SGCZ: variants seen among roughly 807,000 people sequenced by gnomAD.
SGCZ encodes the protein sarcoglycan zeta.
In SGCZ, 40 loss-of-function variants were observed where a neutral mutation model predicts 41.3. The observed-to-expected ratio is 0.97, with a 90% CI of 0.75 to 1.26. The LOEUF is 1.26. Ranked by LOEUF, SGCZ falls within the 50% of genes most tolerant of loss-of-function variation. The probability of loss-of-function intolerance (pLI) is 0.00; values close to 1 mark genes in which losing one functional copy is unlikely to be tolerated. For synonymous variants in SGCZ, 206 were observed against 137.5 expected, an observed-to-expected ratio of 1.50 and a Z score of -3.49; for missense variants, 552 against 369.8, an observed-to-expected ratio of 1.49 and a Z score of -4.04.
At chr8:14,811,579 G>A (rs1304805073) in intron 1 of SGCZ, among the ~76,000 whole-genome samples, 2 of 102,806 alleles carry the variant, frequency 1.9e-5, no homozygotes, top group Admixed American at 1.5e-4. Flanking sequence ...TAGTTGTTAT[G>A]GGAGAGGGCC....
chr8:14,600,375 C>G (rs1267236960), intron 1 of SGCZ, among the ~76,000 whole-genome samples: 1 of 152,152 alleles, frequency 6.6e-6, no homozygotes, highest in African/African-American at 2.4e-5. Flanking sequence ...TGGGATCTAT[C>G]ATCTCTACTT....
intron 4 of SGCZ, among the ~76,000 whole-genome samples, chr8:14,190,014 C>CTTTCTTTT (rs757923069): frequency 6.0e-5 from 6 of 100,196 alleles, no homozygotes; most frequent in African/African-American, 2.1e-4. Flanking sequence ...TTCTTTCTTT[C>CTTTCTTTT]TTTTTTTTTT....
intron 1 of SGCZ, among the ~76,000 whole-genome samples, chr8:15,066,126 G>A (rs1320002178): frequency 6.6e-6 from 1 of 151,624 alleles, no homozygotes; most frequent in African/African-American, 2.4e-5. Flanking sequence ...GGCTAACAAG[G>A]TGAAACCCCG....
chr8:14,669,514 ACT>A lies in SGCZ; in HGVS notation c.40-114590_40-114589del, dbSNP rs1297727845. Among the ~76,000 whole-genome samples, 7 of 151,896 alleles carry A rather than the reference ACT, an allele frequency of 4.6e-5. No homozygotes were observed. The South Asian group carries it at 8.3e-4, about 18-fold the overall frequency. ...TCCATCCATAGGTAACCACCCTTCTACTCTCTATTTCTATGAGTATAACAACA... is the reference window on the plus strand; with the variant it reads ...TCCATCCATAGGTAACCACCCTTCTACTCTATTTCTATGAGTATAACAACA... On this transcript the variant is annotated intron_variant, in intron 1 of 7. Transcript: ENST00000382080.
At chr8:15,086,503 T>C (rs1805955009) in intron 1 of SGCZ, among the ~76,000 whole-genome samples, 1 of 152,186 alleles carries the variant, frequency 6.6e-6, no homozygotes, top group Non-Finnish European at 1.5e-5. Flanking sequence ...TTAATCATAT[T>C]AATCCTTGTT....
intron 2 of SGCZ, among the ~76,000 whole-genome samples, chr8:14,430,367 C>T (rs1019406879): frequency 3.3e-5 from 5 of 152,056 alleles, no homozygotes; most frequent in African/African-American, 1.2e-4. Context: ...GGGTTTCATA[C>T]CAGGGATGCA....
At chr8:14,724,220 G>A (rs1354785496) in intron 1 of SGCZ, among the ~76,000 whole-genome samples, 2 of 152,072 alleles carry the variant, frequency 1.3e-5, no homozygotes, top group East Asian at 1.9e-4. Flanking sequence ...ACTATTTAGA[G>A]GCAAGGGACT....
At chr8:14,164,961 C>T (rs565859431) in intron 4 of SGCZ, 68 of 374,100 alleles carry the variant, frequency 1.8e-4, no homozygotes, top group African/African-American at 1.2e-3. Flanking sequence ...CAGTTAAGAG[C>T]CCTTCACATA....
intron 1 of SGCZ, among the ~76,000 whole-genome samples, chr8:15,082,614 G>A (rs959888532): frequency 2.6e-5 from 4 of 152,014 alleles, no homozygotes; most frequent in Admixed American, 1.3e-4. Flanking sequence ...ATATAAAAAC[G>A]TCCAGTGCAG....
chr8:15,034,669 T>A (rs78972988), intron 1 of SGCZ, among the ~76,000 whole-genome samples: 5 of 152,094 alleles, frequency 3.3e-5, no homozygotes, highest in African/African-American at 7.2e-5. Flanking sequence ...TATAACCAAA[T>A]GGTTGAAAGT....
rs59446969 is a variant in SGCZ at position 14,233,188 on chromosome 8, T to C, written c.424+4404A>G. Among the ~76,000 whole-genome samples the C allele has an allele frequency of 9.9e-3, 1,503 of 152,124 alleles. 24 individuals are homozygous for C. Among genetic ancestry groups the C allele is most frequent in the African/African-American group, 0.034 (1,394 of 41,544 alleles). On this transcript the variant is annotated intron_variant, in intron 4 of 7. Transcript: ENST00000382080. Reference sequence around the variant, plus strand: ...TCCTTTCATTTTTATCCTTCAGCTATAGACTGACAGCATAAGGCACATGAG... The same window carrying C: ...TCCTTTCATTTTTATCCTTCAGCTACAGACTGACAGCATAAGGCACATGAG...
At chr8:15,180,649 G>T (rs559189744) in intron 1 of SGCZ, among the ~76,000 whole-genome samples, 63 of 152,042 alleles carry the variant, frequency 4.1e-4, no homozygotes, top group African/African-American at 1.5e-3. Context: ...ACTTTGGGAG[G>T]CCAAGGCAGG....
At chr8:15,162,579 T>G (rs1208687659) in intron 1 of SGCZ, among the ~76,000 whole-genome samples, 1 of 152,220 alleles carries the variant, frequency 6.6e-6, no homozygotes, top group East Asian at 1.9e-4. Context: ...GCTTTTCACT[T>G]ATCTTATGGC....
intron 2 of SGCZ, among the ~76,000 whole-genome samples, chr8:14,458,907 G>C (rs112808476): frequency 6.6e-6 from 1 of 152,088 alleles, no homozygotes; most frequent in African/African-American, 2.4e-5. Context: ...GAGACCTAGG[G>C]TTAGGAAAAT....
chr8:15,035,130 A>G (rs1214144804), intron 1 of SGCZ, among the ~76,000 whole-genome samples: 2 of 152,126 alleles, frequency 1.3e-5, no homozygotes, highest in Non-Finnish European at 2.9e-5. Flanking sequence ...ACTATTAATG[A>G]TAATAATAGC....
intron 3 of SGCZ, among the ~76,000 whole-genome samples, chr8:14,247,692 C>T (rs376137389): frequency 6.6e-6 from 1 of 152,126 alleles, no homozygotes; most frequent in East Asian, 1.9e-4. Flanking sequence ...TGTTGGGTTG[C>T]CACTTTTCCA....
chr8:14,655,040 A>T (rs1807519651), intron 1 of SGCZ, among the ~76,000 whole-genome samples: 1 of 151,910 alleles, frequency 6.6e-6, no homozygotes, highest in Non-Finnish European at 1.5e-5. Flanking sequence ...AATACCTTAC[A>T]TTTTTTTCCC....
At chr8:14,871,278 C>T (rs1476239398) in intron 1 of SGCZ, among the ~76,000 whole-genome samples, 4 of 152,094 alleles carry the variant, frequency 2.6e-5, no homozygotes, top group African/African-American at 9.7e-5. Flanking sequence ...CCCTTTTACA[C>T]TGTTGGTGGG....
chr8:14,875,314 G>A (rs190740147), intron 1 of SGCZ, among the ~76,000 whole-genome samples: 2 of 152,176 alleles, frequency 1.3e-5, no homozygotes, highest in South Asian at 4.1e-4. Flanking sequence ...CCATTAATGA[G>A]GACAAAGTCC....
Sources: allele counts gnomAD v4.1 joint callset (sites outside exome capture counted in the v4.1 genomes callset), GRCh38; gene constraint gnomAD v4.1.1; transcripts MANE v1.5; gene names NCBI Gene and HGNC (gene_info 2026-07-23, HGNC 2026-07-21).